The following DNAH8 variants were observed in gnomAD, a reference collection of about 807,000 sequenced individuals.
The protein encoded by DNAH8 is axonemal beta dynein heavy chain 8.
In DNAH8, 382 loss-of-function variants were observed where a neutral mutation model predicts 562.1. The ratio of observed to expected loss-of-function variants is 0.68; its 90% CI spans 0.63 to 0.74. The LOEUF is 0.74. Among genes scored for constraint, DNAH8 ranks in the 30% least tolerant of loss-of-function variants. The probability of loss-of-function intolerance (pLI) is 0.00; values close to 1 mark genes in which losing one functional copy is unlikely to be tolerated. For missense variants in DNAH8, 5,203 were observed against 5,620.4 expected (o/e 0.93, Z 2.37); for synonymous variants, 1,881 against 1,919.4 (o/e 0.98, Z 0.52).
intron 3 of DNAH8, among the ~76,000 whole-genome samples, chr6:38,725,302 CATATA>C (rs1763116984): frequency 4.5e-5 from 1 of 22,400 alleles, no homozygotes; most frequent in African/African-American, 1.7e-4. Context: ...GACTCCAACT[CATATA>C]ATAATAATAA....
At chr6:38,966,942 G>A (rs767865056) in intron 82 of DNAH8, among the ~76,000 whole-genome samples, 34 of 152,128 alleles carry the variant, frequency 2.2e-4, no homozygotes, top group Admixed American at 1.0e-3. Context: ...GGTGGAAGGA[G>A]GGCATCTTTT....
At chr6:38,937,903 TCAGA>T in intron 77 of DNAH8, 67 bp from the exon 78 acceptor site, 1 of 1,531,680 alleles carries the variant, frequency 6.5e-7, no homozygotes, top group Middle Eastern at 1.8e-4. Context: ...TTTTTTTTTT[TCAGA>T]AGAGATGTAT....
chr6:38,817,693 A>G (rs1055588056), intron 26 of DNAH8, among the ~76,000 whole-genome samples: 45 of 152,196 alleles, frequency 3.0e-4, no homozygotes, highest in African/African-American at 1.0e-3. Context: ...AAAGATATAC[A>G]TGGACTCTTG....
chr6:38,724,119 AG>A (rs903901713), intron 3 of DNAH8, among the ~76,000 whole-genome samples: 1 of 151,890 alleles, frequency 6.6e-6, no homozygotes, highest in African/African-American at 2.4e-5. Flanking sequence ...CTGGGATTTC[AG>A]GCACGCACCA....
At chr6:38,749,368 G>A (rs1765228787) in intron 8 of DNAH8, among the ~76,000 whole-genome samples, 1 of 152,000 alleles carries the variant, frequency 6.6e-6, no homozygotes, top group Non-Finnish European at 1.5e-5. Flanking sequence ...ACTGGAGCCT[G>A]TCAGGGGGTC....
chr6:38,895,175 G>A (rs1779596353), intron 59 of DNAH8, among the ~76,000 whole-genome samples: 1 of 152,098 alleles, frequency 6.6e-6, no homozygotes, highest in Non-Finnish European at 1.5e-5. Flanking sequence ...CTGACCTCAG[G>A]AGATCCTCCT....
At chr6:39,001,352 T>C (rs1204687921) in intron 88 of DNAH8, among the ~76,000 whole-genome samples, 1 of 151,944 alleles carries the variant, frequency 6.6e-6, no homozygotes, top group African/African-American at 2.4e-5. Context: ...AACAAGCATG[T>C]CATCATGTAC....
intron 82 of DNAH8, among the ~76,000 whole-genome samples, chr6:38,958,697 A>G (rs1762425905): frequency 6.6e-6 from 1 of 150,646 alleles, no homozygotes; most frequent in South Asian, 2.1e-4. Context: ...TTCATTATGG[A>G]ATTCTATCAA....
chr6:39,009,622 A>G (rs940481787), intron 89 of DNAH8, among the ~76,000 whole-genome samples: 8 of 152,182 alleles, frequency 5.3e-5, no homozygotes, highest in African/African-American at 1.4e-4. Flanking sequence ...CTTCATACAC[A>G]TTATGACACT....
intron 57 of DNAH8, among the ~76,000 whole-genome samples, chr6:38,887,381 A>G (rs141711071): frequency 1.3e-5 from 2 of 152,218 alleles, no homozygotes; most frequent in Non-Finnish European, 2.9e-5. Flanking sequence ...GAGATTCTTG[A>G]CATCAAATGT....
chr6:38,828,208 T>C lies in DNAH8; in HGVS notation c.4108T>C (p.Phe1370Leu), dbSNP rs760893606. 1.3e-6 allele frequency: 2 copies of C among 1,595,426 alleles called. No individual in the cohort carries two copies. Among genetic ancestry groups the C allele is most frequent in the South Asian group, 1.2e-5 (1 of 85,750 alleles). Residue 1370 changes from phenylalanine to leucine, a missense_variant, in exon 30 of 93, where the codon TTT becomes CTT. Phe to Leu is a conservative substitution (Grantham distance 22, BLOSUM62 0). Around this residue, in one of 6 missense-constraint regions of DNAH8, gnomAD observed 2,176 missense variants for 2,365.1 expected, o/e 0.92. Coordinates refer to ENST00000327475, the MANE Select transcript of DNAH8 (RefSeq NM_001206927.2). The stretch of plus-strand genomic sequence containing the variant: ...GGAAGCCTATGCTATTTTAAACAGA[T>C]TTGAAGTTGAAGTAACCAAAGAAGA... ...IEEAYAILNR[F>L]EVEVTKEESE...
chr6:38,926,355 G>T, intron 74 of DNAH8, 145 bp downstream of exon 74: 1 of 794,236 alleles, frequency 1.3e-6, no homozygotes. Context: ...CAGCAATTTG[G>T]GGCAACAGCT....
chr6:38,921,450 C>G lies in DNAH8; in HGVS notation c.10606C>G (p.Gln3536Glu). ...GKAQALLDEK[Q>E]AELDKVQAKF... Reference sequence around the variant, plus strand: ...GGCACAAGCCCTGCTGGATGAGAAGCAAGCTGAGCTGGATAAAGTACAGGC... The same window carrying G: ...GGCACAAGCCCTGCTGGATGAGAAGGAAGCTGAGCTGGATAAAGTACAGGC... Residue 3536 changes from glutamine (Q) to glutamate (E), a missense_variant, in exon 71 of 93, where the codon CAA becomes GAA. By Grantham distance (29) the Gln-to-Glu change is conservative. This residue lies in a region of DNAH8 where 1,399 missense variants were observed against 1,518.4 expected (regional missense o/e 0.92). Coordinates refer to ENST00000327475, the MANE Select transcript of DNAH8 (RefSeq NM_001206927.2). The G allele has an allele frequency of 1.2e-6, 2 of 1,613,682 alleles. No homozygotes were observed. The highest frequency in any genetic ancestry group is 1.7e-6 in the Non-Finnish European group (2 of 1,179,830).
chr6:38,896,578 AAAACAAACAAAC>A (rs376298695), intron 60 of DNAH8, among the ~76,000 whole-genome samples: 30 of 151,348 alleles, frequency 2.0e-4, no homozygotes, highest in Admixed American at 1.5e-3. Flanking sequence ...CTGTCTCAAA[AAAACAAACAAAC>A]AAACAAACAA....
At chr6:38,965,586 G>A (rs969525242) in intron 82 of DNAH8, among the ~76,000 whole-genome samples, 1 of 152,144 alleles carries the variant, frequency 6.6e-6, no homozygotes, top group Non-Finnish European at 1.5e-5. Flanking sequence ...GAATATAAAG[G>A]CAGTCAAAAT....
chr6:38,848,777 A>C lies in DNAH8; in HGVS notation c.5175A>C (p.Gly1725=), dbSNP rs971441421. ...WVYLEAVFVG[G]DIAKQLPQEA... ...ATCTTGAAGCCGTCTTTGTAGGTGGAGATATTGCCAAACAGCTGCCTCAGG... is the reference window on the plus strand; with the variant it reads ...ATCTTGAAGCCGTCTTTGTAGGTGGCGATATTGCCAAACAGCTGCCTCAGG... Residue 1725 remains glycine (G), a synonymous_variant, in exon 37 of 93, where the codon GGA becomes GGC. Coordinates refer to ENST00000327475, the MANE Select transcript of DNAH8 (RefSeq NM_001206927.2). The C allele has an allele frequency of 5.6e-6, 9 of 1,613,356 alleles. No homozygotes were observed. In the African/African-American group the frequency reaches 1.2e-4, roughly 22 times the overall value.
chr6:38,901,942 C>T (rs527347120), intron 62 of DNAH8, among the ~76,000 whole-genome samples: 1 of 152,222 alleles, frequency 6.6e-6, no homozygotes, highest in South Asian at 2.1e-4. Context: ...AACCTAGGGC[C>T]TACACTCCCA....
chr6:38,834,554 A>G (rs1435933034), intron 31 of DNAH8, 25 bp from the exon 32 acceptor site: 5 of 1,487,686 alleles, frequency 3.4e-6, no homozygotes, highest in Non-Finnish European at 4.6e-6. Context: ...AAGAATGAAA[A>G]TGGAGATTAT....
At chr6:38,800,445 G>A (rs1770687253) in intron 21 of DNAH8, among the ~76,000 whole-genome samples, 1 of 152,146 alleles carries the variant, frequency 6.6e-6, no homozygotes, top group African/African-American at 2.4e-5. Context: ...CCTGGTGAGT[G>A]TGAAGTGGTA....
Sources: allele counts gnomAD v4.1 joint callset (sites outside exome capture counted in the v4.1 genomes callset), GRCh38; gene constraint gnomAD v4.1.1; regional missense constraint gnomAD v4.1.1; transcripts MANE v1.5; gene names NCBI Gene and HGNC (gene_info 2026-07-23, HGNC 2026-07-21).